The following PDE10A variants were observed in gnomAD, a reference collection of about 807,000 sequenced individuals.
PDE10A encodes the protein phosphodiesterase 10A.
In PDE10A, 39 loss-of-function variants were observed where a neutral mutation model predicts 97.7. The ratio of observed to expected loss-of-function variants is 0.40; its 90% CI spans 0.31 to 0.52. The LOEUF (loss-of-function observed/expected upper bound fraction) is 0.52. Ranked by LOEUF, PDE10A falls within the 20% of genes least tolerant of loss-of-function variation. The probability of loss-of-function intolerance (pLI) is 0.56; values close to 1 mark genes in which losing one functional copy is unlikely to be tolerated. For missense variants in PDE10A, 731 were observed against 1,047.8 expected, an observed-to-expected ratio of 0.70 and a Z score of 4.17; for synonymous variants, 371 against 376.8, an observed-to-expected ratio of 0.98 and a Z score of 0.18.
At chr6:165,373,833 A>G (rs1341921681) in intron 18 of PDE10A, among the ~76,000 whole-genome samples, 3 of 151,960 alleles carry the variant, frequency 2.0e-5, no homozygotes. Flanking sequence ...AACAAACCCA[A>G]ATGTCCAACA....
chr6:165,838,460 G>A (rs1450899291), intron 1 of PDE10A, among the ~76,000 whole-genome samples: 1 of 152,050 alleles, frequency 6.6e-6, no homozygotes, highest in Non-Finnish European at 1.5e-5. Context: ...ACAATCCAGT[G>A]GTTTTTAGTA....
At chr6:165,497,659 T>C (rs1451396822) in intron 2 of PDE10A, among the ~76,000 whole-genome samples, 1 of 152,198 alleles carries the variant, frequency 6.6e-6, no homozygotes. Context: ...TACAACTGTG[T>C]TGATTCTGTA....
chr6:165,793,137 A>G (rs1305285402), intron 1 of PDE10A, among the ~76,000 whole-genome samples: 1 of 152,154 alleles, frequency 6.6e-6, no homozygotes, highest in African/African-American at 2.4e-5. Flanking sequence ...CCAAGCATTG[A>G]AACTGGGCTT....
intron 1 of PDE10A, among the ~76,000 whole-genome samples, chr6:165,730,148 AGAT>A (rs1205392864): frequency 7.7e-6 from 1 of 130,184 alleles, no homozygotes; most frequent in African/African-American, 3.8e-5. Context: ...ATATATGAAA[AGAT>A]GATCCCCCTT....
At chr6:165,856,258 G>C (rs1780729049) in intron 1 of PDE10A, among the ~76,000 whole-genome samples, 1 of 152,126 alleles carries the variant, frequency 6.6e-6, no homozygotes, top group Non-Finnish European at 1.5e-5. Context: ...TACACAGCTG[G>C]GACCAGGGAA....
At chr6:165,486,180 G>A (rs138517365) in intron 2 of PDE10A, among the ~76,000 whole-genome samples, 5 of 152,330 alleles carry the variant, frequency 3.3e-5, no homozygotes, top group African/African-American at 1.2e-4. Flanking sequence ...AGGCAACAAT[G>A]CTTGTTAATG....
intron 18 of PDE10A, among the ~76,000 whole-genome samples, chr6:165,362,901 G>C (rs1237075808): frequency 6.6e-6 from 1 of 152,134 alleles, no homozygotes; most frequent in Admixed American, 6.6e-5. Context: ...TGCAAGGTTG[G>C]TTTAACATCT....
At chr6:165,652,154 C>T (rs1187595875) in intron 1 of PDE10A, among the ~76,000 whole-genome samples, 1 of 152,156 alleles carries the variant, frequency 6.6e-6, no homozygotes, top group African/African-American at 2.4e-5. Context: ...ACTTCTGGTC[C>T]TGGGACACCA....
At chr6:165,765,240 G>A (rs577614313) in intron 1 of PDE10A, among the ~76,000 whole-genome samples, 24 of 140,818 alleles carry the variant, frequency 1.7e-4, no homozygotes, top group South Asian at 1.4e-3. Flanking sequence ...GATCCCGCAC[G>A]GGGGCTGCAG....
At chr6:165,619,457 GT>G (rs1562634944) in intron 1 of PDE10A, among the ~76,000 whole-genome samples, 3 of 70,702 alleles carry the variant, frequency 4.2e-5, no homozygotes, top group South Asian at 4.7e-4. Flanking sequence ...GTCTAGTGTA[GT>G]GTAGTCTAGT....
chr6:165,659,438 G>C (rs951812156), intron 1 of PDE10A, among the ~76,000 whole-genome samples: 2 of 152,162 alleles, frequency 1.3e-5, no homozygotes, highest in African/African-American at 2.4e-5. Context: ...TAGCAATTCA[G>C]ACCAGTGGCT....
At chr6:165,412,134 C>T (rs1787904898) in intron 13 of PDE10A, among the ~76,000 whole-genome samples, 1 of 151,704 alleles carries the variant, frequency 6.6e-6, no homozygotes, top group African/African-American at 2.4e-5. Flanking sequence ...AATTTTAACA[C>T]TTATTATACA....
chr6:165,714,583 C>G (rs546266393), intron 1 of PDE10A, among the ~76,000 whole-genome samples: 1 of 152,318 alleles, frequency 6.6e-6, no homozygotes, highest in East Asian at 1.9e-4. Flanking sequence ...TCCCCCTACT[C>G]GAATCCAGGC....
At chr6:165,770,962 C>T (rs1341743414) in intron 1 of PDE10A, among the ~76,000 whole-genome samples, 1 of 152,200 alleles carries the variant, frequency 6.6e-6, no homozygotes, top group Non-Finnish European at 1.5e-5. Flanking sequence ...CCTCCTGTCC[C>T]TCTGGCTCCC....
At chr6:165,781,646 G>C (rs552814868) in intron 1 of PDE10A, 1 of 152,514 alleles carries the variant, frequency 6.6e-6, no homozygotes, top group South Asian at 2.1e-4. Context: ...GATCTTGGGG[G>C]CCCAAGGTAA....
intron 5 of PDE10A, among the ~76,000 whole-genome samples, chr6:165,442,371 C>A (rs1790537762): frequency 6.6e-6 from 1 of 152,042 alleles, no homozygotes; most frequent in Non-Finnish European, 1.5e-5. Flanking sequence ...TCAGTTCCCA[C>A]CTATGAGTGA....
intron 1 of PDE10A, among the ~76,000 whole-genome samples, chr6:165,761,948 G>A (rs1458835377): frequency 6.6e-6 from 1 of 152,176 alleles, no homozygotes; most frequent in Non-Finnish European, 1.5e-5. Context: ...TAGAACTGAT[G>A]TTTATGGTTT....
chr6:165,564,741 G>A (rs771727833), intron 1 of PDE10A, among the ~76,000 whole-genome samples: 9 of 152,102 alleles, frequency 5.9e-5, no homozygotes, highest in Non-Finnish European at 7.4e-5. Flanking sequence ...GTCTGGCACC[G>A]AATACATCTT....
At chr6:165,925,143 A>G (rs1160777738) in intron 1 of PDE10A, among the ~76,000 whole-genome samples, 1 of 152,246 alleles carries the variant, frequency 6.6e-6, no homozygotes, top group Non-Finnish European at 1.5e-5. Context: ...ACATGAGAAG[A>G]ATTTTAACAC....
Sources: gnomAD v4.1 joint callset for allele counts (sites outside exome capture counted in the v4.1 genomes callset) on GRCh38, gnomAD v4.1.1 for gene constraint, MANE v1.5 for transcripts, NCBI Gene and HGNC (gene_info 2026-07-23, HGNC 2026-07-21) for gene names.